The following SLC13A3 variants were observed in gnomAD, a reference collection of about 807,000 sequenced individuals.
SLC13A3 encodes Na(+)/dicarboxylate cotransporter 3.
A neutral mutation model predicts 59.0 loss-of-function variants in SLC13A3; 40 were observed. The ratio of observed to expected loss-of-function variants is 0.68; its 90% CI spans 0.53 to 0.88. The LOEUF is 0.88. Among genes scored for constraint, SLC13A3 ranks in the 40% least tolerant of loss-of-function variants. The pLI is 0.00. For missense variants in SLC13A3, 699 were observed against 783.2 expected (o/e 0.89, Z 1.28); for synonymous variants, 317 against 330.3 (o/e 0.96, Z 0.44).
At chr20:46,654,759 G>A (rs2062972724), upstream of SLC13A3, among the ~76,000 whole-genome samples, 1 of 152,122 alleles carries the variant, frequency 6.6e-6, no homozygotes, top group African/African-American at 2.4e-5. Flanking sequence ...TCAAACTCTT[G>A]ACCTCAGGTG....
Position 46,569,992 on chromosome 20 carries a change from C to T in SLC13A3, c.1333-3602G>A, listed in dbSNP as rs189902237. ...AAGGCTTTGTAAAACACAACGGGCT[C>T]GGCTGTGTGCATACAACTTTGTATA... On this transcript the variant is annotated intron_variant, in intron 10 of 12. Coordinates refer to ENST00000279027, the MANE Select transcript of SLC13A3 (RefSeq NM_022829.6). Among the ~76,000 whole-genome samples the T allele has an allele frequency of 4.0e-3, 613 of 152,274 alleles. 6 individuals carry two copies. The highest frequency in any genetic ancestry group is 0.014 in the African/African-American group (564 of 41,548).
intron 10 of SLC13A3, among the ~76,000 whole-genome samples, chr20:46,575,025 C>T (rs1304760666): frequency 2.0e-5 from 3 of 151,896 alleles, no homozygotes; most frequent in Non-Finnish European, 4.4e-5. Context: ...CCTGCAGTCC[C>T]AGCTACTTGG....
chr20:46,636,080 C>A (rs1184837682), intron 1 of SLC13A3, among the ~76,000 whole-genome samples: 1 of 152,202 alleles, frequency 6.6e-6, no homozygotes, highest in Non-Finnish European at 1.5e-5. Flanking sequence ...GAAATAACCA[C>A]AAGTATGCTC....
intron 12 of SLC13A3, among the ~76,000 whole-genome samples, chr20:46,561,259 A>G (rs1469441798): frequency 6.6e-6 from 1 of 152,168 alleles, no homozygotes. Context: ...ATGTTGATTG[A>G]TGTCTCATGC....
upstream of SLC13A3, among the ~76,000 whole-genome samples, chr20:46,655,226 C>G (rs560189257): frequency 6.6e-6 from 1 of 150,986 alleles, no homozygotes. Context: ...ATAATATACA[C>G]ATACATATAT....
intron 9 of SLC13A3, among the ~76,000 whole-genome samples, chr20:46,579,740 T>C (rs2062116259): frequency 6.6e-6 from 1 of 152,224 alleles, no homozygotes; most frequent in African/African-American, 2.4e-5. Flanking sequence ...GTATTTGTTT[T>C]TCAACTTGAA....
At chr20:46,616,220 A>G (rs551901525) in intron 1 of SLC13A3, among the ~76,000 whole-genome samples, 1 of 152,326 alleles carries the variant, frequency 6.6e-6, no homozygotes, top group Admixed American at 6.5e-5. Context: ...ATAAATACTT[A>G]TAACCCCCAG....
intron 3 of SLC13A3, among the ~76,000 whole-genome samples, chr20:46,600,294 A>AGGAAAGGAAAGGGAGG (rs749015972): frequency 2.3e-5 from 2 of 88,454 alleles, no homozygotes; most frequent in African/African-American, 7.1e-5. Flanking sequence ...AGGGAGGGAA[A>AGGAAAGGAAAGGGAGG]GAAAGAAAGA....
At chr20:46,563,356 C>CG in intron 12 of SLC13A3, 58 bp downstream of exon 12, 1 of 1,577,986 alleles carries the variant, frequency 6.3e-7, no homozygotes, top group Non-Finnish European at 8.6e-7. Context: ...AGGCCTTGCC[C>CG]GCCCCCTTGC....
intron 4 of SLC13A3, among the ~76,000 whole-genome samples, chr20:46,599,756 G>A (rs970647806): frequency 3.3e-5 from 5 of 152,110 alleles, no homozygotes; most frequent in African/African-American, 1.2e-4. Flanking sequence ...GGGATTTAAT[G>A]TGCTGCCCTA....
At chr20:46,591,558 T>C (rs1057110310) in intron 6 of SLC13A3, among the ~76,000 whole-genome samples, 7 of 152,222 alleles carry the variant, frequency 4.6e-5, no homozygotes, top group African/African-American at 1.7e-4. Flanking sequence ...TTGCTCTTTC[T>C]TCGTTTAGAG....
upstream of SLC13A3, among the ~76,000 whole-genome samples, chr20:46,656,267 TGTACA>T (rs1374244135): frequency 7.3e-6 from 1 of 136,658 alleles, no homozygotes; most frequent in Admixed American, 7.4e-5. Context: ...TTATATAGAC[TGTACA>T]GTATATATTA....
intron 1 of SLC13A3, among the ~76,000 whole-genome samples, chr20:46,679,136 C>T (rs2063141276): frequency 6.6e-6 from 1 of 152,208 alleles, no homozygotes; most frequent in South Asian, 2.1e-4. Context: ...TCAGGTGTTT[C>T]TTTACAGCAA....
In SLC13A3 at chr20:46,613,740, G is replaced by C. The variant is rs915175870; in HGVS notation, c.112-15C>G. ...CAGCGGCCTTCCTGCAGGAGGAGAT[G>C]CATGCTCAGAGGGTCAGCGGGGCTC... On this transcript the variant is annotated splice_polypyrimidine_tract_variant and intron_variant, in intron 1 of 12. Transcript: ENST00000279027. 3 of 1,583,322 alleles carry C rather than the reference G, an allele frequency of 1.9e-6. No homozygotes were observed. The South Asian group carries it at 3.5e-5, about 18-fold the overall frequency.
upstream of SLC13A3, among the ~76,000 whole-genome samples, chr20:46,656,018 G>GTATATATACATATACTACAGTATAC (rs562291475): frequency 0.014 from 2,009 of 138,668 alleles, 95 homozygotes; most frequent in African/African-American, 0.052. Flanking sequence ...TATATATACA[G>GTATATATACATATACTACAGTATAC]TATATATACA....
chr20:46,671,186 T>C (rs2063089179), upstream of SLC13A3, among the ~76,000 whole-genome samples: 1 of 152,178 alleles, frequency 6.6e-6, no homozygotes, highest in Admixed American at 6.5e-5. Flanking sequence ...AAGGTCATGT[T>C]TCCTTCCCAG....
intron 1 of SLC13A3, among the ~76,000 whole-genome samples, chr20:46,647,316 C>T (rs1327093162): frequency 6.6e-6 from 1 of 152,074 alleles, no homozygotes; most frequent in African/African-American, 2.4e-5. Flanking sequence ...GACAGGTGGT[C>T]AGTATCATTT....
chr20:46,600,703 C>T lies in SLC13A3; in HGVS notation c.542-666G>A. On this transcript the variant is annotated intron_variant, in intron 3 of 12. Transcript: ENST00000279027. ...ATTCATCCAAAAAGTATTTATTGAG[C>T]ACCTACTATGTGCTATTGACTATGT... 1.4e-5 allele frequency: 5 copies of T among 363,280 alleles called. 1 individual carries two copies. Among genetic ancestry groups the T allele is most frequent in the South Asian group, 1.1e-4 (5 of 44,814 alleles). 22.5% of individuals were successfully genotyped at this position (363,280 alleles called of 1,614,324 possible). A position where few individuals can be genotyped will look rare whatever the true frequency, so the allele number is the denominator to read the frequency against.
At chr20:46,563,356 C>G in intron 12 of SLC13A3, 58 bp downstream of exon 12, 3 of 1,577,986 alleles carry the variant, frequency 1.9e-6, no homozygotes, top group Non-Finnish European at 1.7e-6. Flanking sequence ...AGGCCTTGCC[C>G]GCCCCCTTGC....
Sources: allele counts gnomAD v4.1 joint callset (sites outside exome capture counted in the v4.1 genomes callset), GRCh38; gene constraint gnomAD v4.1.1; transcripts MANE v1.5; gene names NCBI Gene and HGNC (gene_info 2026-07-23, HGNC 2026-07-21).